Variants in SNX25 observed in about 807,000 individuals in gnomAD.
SNX25 encodes sorting nexin-25.
In SNX25, 62 loss-of-function variants were observed where a neutral mutation model predicts 113.7. The ratio of observed to expected loss-of-function variants is 0.55; its 90% CI spans 0.44 to 0.67. The LOEUF (loss-of-function observed/expected upper bound fraction) is 0.67, where lower values mean the gene tolerates loss of function less well. SNX25 is among the 30% of genes least tolerant of loss of function. The probability of loss-of-function intolerance (pLI) is 0.00; values close to 1 mark genes in which losing one functional copy is unlikely to be tolerated. For missense variants in SNX25, 1,014 were observed against 1,161.0 expected (o/e 0.87, Z 1.84); for synonymous variants, 421 against 436.2 (o/e 0.97, Z 0.43).
chr4:185,246,472 C>T (rs182073193), intron 1 of SNX25, among the ~76,000 whole-genome samples: 102 of 152,190 alleles, frequency 6.7e-4, no homozygotes, highest in Non-Finnish European at 1.2e-3. Context: ...AATTTGCATT[C>T]CTCTAATAAA....
intron 1 of SNX25, among the ~76,000 whole-genome samples, chr4:185,219,211 G>A (rs1378843754): frequency 6.6e-6 from 1 of 152,154 alleles, no homozygotes; most frequent in Non-Finnish European, 1.5e-5. Context: ...CCACATGTAT[G>A]CTTTATAGAA....
chr4:185,306,956 A>G (rs1291948191), intron 6 of SNX25, among the ~76,000 whole-genome samples: 1 of 152,224 alleles, frequency 6.6e-6, no homozygotes, highest in Admixed American at 6.5e-5. Flanking sequence ...TTGGCCAAGT[A>G]TAACACAAGT....
At chr4:185,205,360 A>G (rs1737142838), upstream of SNX25, among the ~76,000 whole-genome samples, 1 of 152,180 alleles carries the variant, frequency 6.6e-6, no homozygotes, top group Non-Finnish European at 1.5e-5. Context: ...AGGCTGAGAC[A>G]GGAGAATCGC....
chr4:185,362,418 A>G (rs1401539978), intron 17 of SNX25, 193 bp from the exon 18 acceptor site: 3 of 916,972 alleles, frequency 3.3e-6, no homozygotes, highest in Non-Finnish European at 3.9e-6. Flanking sequence ...AAAATATTAA[A>G]ATTGTAATTT....
chr4:185,228,369 C>T (rs1037981793), intron 1 of SNX25, among the ~76,000 whole-genome samples: 22 of 151,472 alleles, frequency 1.5e-4, no homozygotes, highest in African/African-American at 5.3e-4. Flanking sequence ...TGGGGGCATT[C>T]GACTTTAGTA....
At chr4:185,281,342 A>T (rs947173454) in intron 5 of SNX25, among the ~76,000 whole-genome samples, 1 of 151,922 alleles carries the variant, frequency 6.6e-6, no homozygotes, top group Admixed American at 6.5e-5. Context: ...TGCGGGGCAG[A>T]CTGTGTTTTA....
At chr4:185,309,666 C>T (rs1403613177) in intron 6 of SNX25, among the ~76,000 whole-genome samples, 5 of 152,204 alleles carry the variant, frequency 3.3e-5, no homozygotes, top group African/African-American at 4.8e-5. Flanking sequence ...CTCTTGTCCT[C>T]TCTACTGGCC....
intron 6 of SNX25, among the ~76,000 whole-genome samples, chr4:185,309,051 ACGT>A (rs1437478200): frequency 6.6e-6 from 1 of 152,202 alleles, no homozygotes; most frequent in Non-Finnish European, 1.5e-5. Flanking sequence ...GTGTCACGTG[ACGT>A]CAGCTGGAGT....
At chr4:185,367,309 T>C, downstream of SNX25, 1 of 1,403,718 alleles carries the variant, frequency 7.1e-7, no homozygotes, top group Non-Finnish European at 9.8e-7. Flanking sequence ...TCTTCTTTTT[T>C]TTTTTTTCTT....
intron 15 of SNX25, among the ~76,000 whole-genome samples, chr4:185,356,136 A>G (rs1387426936): frequency 1.3e-5 from 2 of 151,356 alleles, no homozygotes; most frequent in African/African-American, 4.9e-5. Context: ...CTTTGGAGTA[A>G]TGGGGCTCGC....
At chr4:185,356,064 A>C (rs991676814) in intron 15 of SNX25, among the ~76,000 whole-genome samples, 1 of 152,160 alleles carries the variant, frequency 6.6e-6, no homozygotes, top group African/African-American at 2.4e-5. Flanking sequence ...GATGTGATCT[A>C]TTCGTCGTCA....
At chr4:185,207,210 CTTT>C (rs34373262), upstream of SNX25, among the ~76,000 whole-genome samples, 51 of 76,838 alleles carry the variant, frequency 6.6e-4, no homozygotes, top group Middle Eastern at 9.4e-3. Context: ...ACCAGTCACA[CTTT>C]TTTTTTTTTT....
the SNX25 span, chr4:185,378,103 GAAAAA>G: frequency 6.2e-7 from 1 of 1,613,268 alleles, no homozygotes; most frequent in Non-Finnish European, 8.5e-7. Context: ...TTTTCCACTG[GAAAAA>G]TTTTTGGTTT....
chr4:185,318,676 C>T (rs2095094616), intron 7 of SNX25, among the ~76,000 whole-genome samples: 1 of 152,172 alleles, frequency 6.6e-6, no homozygotes, highest in African/African-American at 2.4e-5. Context: ...GTCTTTTATA[C>T]ATTTCTCTTC....
chr4:185,363,103 A>G lies in SNX25; in HGVS notation c.2935-282A>G, dbSNP rs1053571284. Among the ~76,000 whole-genome samples, 16 of 152,114 alleles carry G rather than the reference A, an allele frequency of 1.1e-4. No individual in the cohort carries two copies. The highest frequency in any genetic ancestry group is 1.6e-4 in the Non-Finnish European group (11 of 67,992). On this transcript the variant is annotated intron_variant, in intron 18 of 18. Coordinates refer to ENST00000652585, the MANE Select transcript of SNX25 (RefSeq NM_001378034.2). This position sits in a 1 kb window ranked among gnomAD's most constrained non-coding sequence, Gnocchi z 4.2. The stretch of plus-strand genomic sequence containing the variant: ...GGTGATCTGTCTGCCTCAGCCTCCC[A>G]AAGTGCTGGGATTACAGGCGGGAGC...
rs924081205 is a variant in SNX25, at chr4:185,210,716, G to C, written c.429+461G>C. ...ATGAGGAAACTTGCTTCGGTCCCTG[G>C]CCCAGCGCCTCACCCCCAAGCCCGC... On this transcript the variant is annotated intron_variant, in intron 1 of 18. Coordinates refer to ENST00000652585, the MANE Select transcript of SNX25 (RefSeq NM_001378034.2). This position sits in a 1 kb window ranked among gnomAD's most constrained non-coding sequence, Gnocchi z 4.4. Among the ~76,000 whole-genome samples, 2 of 151,834 alleles carry C rather than the reference G, an allele frequency of 1.3e-5. No homozygotes were observed. The highest frequency in any genetic ancestry group is 2.4e-5 in the African/African-American group (1 of 41,336).
At chr4:185,287,564 G>A (rs926546462) in intron 5 of SNX25, among the ~76,000 whole-genome samples, 1 of 152,156 alleles carries the variant, frequency 6.6e-6, no homozygotes, top group African/African-American at 2.4e-5. Context: ...CAGGTACCGT[G>A]GAGCATTTGA....
At chr4:185,248,064 A>T (rs1745112771) in intron 2 of SNX25, among the ~76,000 whole-genome samples, 1 of 152,190 alleles carries the variant, frequency 6.6e-6, no homozygotes, top group South Asian at 2.1e-4. Flanking sequence ...TGAACAAGTG[A>T]TATGTACATA....
chr4:185,323,705 T>C lies in SNX25; in HGVS notation c.1654T>C (p.Tyr552His). The change falls in exon 9 of 19, where the codon TAC becomes CAC. Residue 552 changes from tyrosine (Y) to histidine (H), a missense_variant. By Grantham distance (83) the Tyr-to-His change is moderately conservative (BLOSUM62 2). Transcript: ENST00000652585. ...TTATGAGACCCTAAAGGATAGGTAT[T>C]ACCCTTCATTTATTGTCAGTGACCT... ...DVYETLKDRY[Y>H]PSFIVSDLYE... 1 of 1,613,778 alleles carries C rather than the reference T, an allele frequency of 6.2e-7. No homozygotes were observed. Among genetic ancestry groups the C allele is most frequent in the Non-Finnish European group, 8.5e-7 (1 of 1,179,788 alleles).
Sources: allele counts gnomAD v4.1 joint callset (sites outside exome capture counted in the v4.1 genomes callset), GRCh38; gene constraint gnomAD v4.1.1; non-coding constraint Gnocchi (gnomAD v3.1); transcripts MANE v1.5; gene names NCBI Gene and HGNC (gene_info 2026-07-23, HGNC 2026-07-21).